NPHP4: variants seen among roughly 807,000 people sequenced by gnomAD.
NPHP4 encodes nephrocystin-4.
In NPHP4, 151 loss-of-function variants were observed where a neutral mutation model predicts 155.8. The ratio of observed to expected loss-of-function variants is 0.97; its 90% CI spans 0.85 to 1.11. The LOEUF (loss-of-function observed/expected upper bound fraction) is 1.11, where lower values mean the gene tolerates loss of function less well. NPHP4 is among the 50% of genes least tolerant of loss of function. The probability of loss-of-function intolerance (pLI) is 0.00; values close to 1 mark genes in which losing one functional copy is unlikely to be tolerated. For synonymous variants in NPHP4, 845 were observed against 816.8 expected (o/e 1.03, Z -0.59); for missense variants, 1,956 against 1,925.7 (o/e 1.02, Z -0.29).
chr1:5,973,772 G>T (rs1267614683), intron 3 of NPHP4, among the ~76,000 whole-genome samples: 1 of 152,138 alleles, frequency 6.6e-6, no homozygotes, highest in Admixed American at 6.5e-5. Flanking sequence ...CTCATTTCAG[G>T]TTCCAAGACT....
intron 27 of NPHP4, 23 bp from the exon 28 acceptor site, chr1:5,864,540 T>C (rs958303213): frequency 6.7e-7 from 1 of 1,501,550 alleles, no homozygotes; most frequent in Non-Finnish European, 8.9e-7. Context: ...GAGAGGCGGG[T>C]CAGAGCACAG....
chr1:5,982,629 G>C (rs1654888348), intron 2 of NPHP4, among the ~76,000 whole-genome samples: 1 of 152,152 alleles, frequency 6.6e-6, no homozygotes, highest in Non-Finnish European at 1.5e-5. Context: ...AGGTTGTTAA[G>C]GAGGAAACAG....
Position 5,873,184 on chromosome 1 carries a change from C to G in NPHP4, c.3315+68G>C, listed in dbSNP as rs1249676938. On this transcript the variant is annotated intron_variant, in intron 23 of 29. Transcript: ENST00000378156. Reference sequence around the variant, plus strand: ...TCCCCTCCAGGAGGGGAGAGAAGGACACAAGGGTCAGGCCCTGGGAATACC... The same window carrying G: ...TCCCCTCCAGGAGGGGAGAGAAGGAGACAAGGGTCAGGCCCTGGGAATACC... The G allele has an allele frequency of 2.1e-5, 28 of 1,364,982 alleles. No homozygotes were observed. The East Asian group carries it at 6.2e-4, about 30-fold the overall frequency. The allele number at this position is 1,364,982 out of a possible 1,614,324, so 84.6% of individuals were successfully genotyped here.
intron 16 of NPHP4, among the ~76,000 whole-genome samples, chr1:5,893,271 C>T (rs558916523): frequency 6.6e-6 from 1 of 152,208 alleles, no homozygotes; most frequent in East Asian, 1.9e-4. Context: ...ACAGCTGGGC[C>T]CAGGGGACCA....
In NPHP4 at chr1:5,905,165, G is replaced by C. The variant is rs116130504; in HGVS notation, c.1955+127C>G. ...TCCTAGCCAAGAGAAGATAAAAACAGATGGCACTCCCGAATCTACTAAGAC... is the reference window on the plus strand; with the variant it reads ...TCCTAGCCAAGAGAAGATAAAAACACATGGCACTCCCGAATCTACTAAGAC... On this transcript the variant is annotated intron_variant, in intron 15 of 29. Transcript: ENST00000378156. The surrounding 1 kb of genome is among the most constrained non-coding windows in gnomAD (Gnocchi z 4.0). 26 of 773,182 alleles carry C rather than the reference G, an allele frequency of 3.4e-5. No homozygotes were observed. The East Asian group carries it at 6.2e-4, about 18-fold the overall frequency. The allele number at this position is 773,182 out of a possible 1,614,324, so 47.9% of individuals were successfully genotyped here. A position where few individuals can be genotyped will look rare whatever the true frequency, so the allele number is the denominator to read the frequency against.
rs1223869028 is a variant in NPHP4 at position 5,944,130 on chromosome 1, G to A, written c.1119+2974C>T. ...CAGAATAATTCAAAACGGGTTGTGG[G>A]AGAGGACATAGAAGAAGCAGATTGT... On this transcript the variant is annotated intron_variant, in intron 9 of 29. Transcript: ENST00000378156. The surrounding 1 kb of genome is among the most constrained non-coding windows in gnomAD (Gnocchi z 4.3). Among the ~76,000 whole-genome samples the A allele has an allele frequency of 6.6e-6, 1 of 152,248 alleles. No individual in the cohort carries two copies. The highest frequency in any genetic ancestry group is 1.5e-5 in the Non-Finnish European group (1 of 68,044).
At chr1:5,897,590 C>T (rs936893175) in intron 16 of NPHP4, among the ~76,000 whole-genome samples, 1 of 152,136 alleles carries the variant, frequency 6.6e-6, no homozygotes, top group Non-Finnish European at 1.5e-5. Flanking sequence ...ACCAGGTAAG[C>T]CCGGAACACG....
intron 27 of NPHP4, 189 bp from the exon 28 acceptor site, chr1:5,864,706 CCCT>C (rs1641023921): frequency 9.0e-6 from 5 of 555,362 alleles, no homozygotes; most frequent in Non-Finnish European, 1.6e-5. Context: ...CCAGGCAAGT[CCCT>C]CCTCTCACAC....
chr1:5,952,964 G>A (rs1409303099), intron 6 of NPHP4, 128 bp from the exon 7 acceptor site: 13 of 772,906 alleles, frequency 1.7e-5, no homozygotes, highest in East Asian at 2.9e-5. Flanking sequence ...GGGACTCCCA[G>A]ACAGAGCACA....
chr1:5,913,655 G>A lies in NPHP4; in HGVS notation c.1442-4442C>T, dbSNP rs541353487. Among the ~76,000 whole-genome samples, 20 of 152,310 alleles carry A rather than the reference G, an allele frequency of 1.3e-4. No homozygotes were observed. In the East Asian group the frequency reaches 1.4e-3, roughly 10 times the overall value. On this transcript the variant is annotated intron_variant, in intron 11 of 29. Transcript: ENST00000378156. The stretch of plus-strand genomic sequence containing the variant: ...ACGTCTTCACACTGCCTCTGCACTC[G>A]CCTGGAGGGGGCCCTGCAAGAGGAT...
intron 21 of NPHP4, 78 bp downstream of exon 21, chr1:5,874,796 G>C: frequency 6.5e-7 from 1 of 1,546,876 alleles, no homozygotes; most frequent in Non-Finnish European, 8.9e-7. Flanking sequence ...GGCAGAATTC[G>C]AGCCAGCTCA....
Position 5,927,716 on chromosome 1 carries a change from G to C in NPHP4, c.1374C>G (p.Pro458=), listed in dbSNP as rs567982783. The C allele has an allele frequency of 6.2e-7, 1 of 1,613,504 alleles. No homozygotes were observed. The highest frequency in any genetic ancestry group is 1.7e-5 in the Admixed American group (1 of 60,004). The change falls in exon 11 of 30, where the codon CCC becomes CCG. Residue 458 remains proline (P), a synonymous_variant. Transcript: ENST00000378156. ...CTTTGGGGCCACTGACAGGCTCCGTGGGTGCATCCAGGTGTTCTTCTGAGC... is the reference window on the plus strand; with the variant it reads ...CTTTGGGGCCACTGACAGGCTCCGTCGGTGCATCCAGGTGTTCTTCTGAGC... ...SLGSEEHLDA[P]TEPVSGPKVE...
rs140817042 is a variant in NPHP4, at chr1:5,868,709, CCACA to C, written c.3316-817_3316-814del. On this transcript the variant is annotated intron_variant, in intron 23 of 29. Coordinates refer to ENST00000378156, the MANE Select transcript of NPHP4 (RefSeq NM_015102.5). ...GTACACATATACATGCACGCATGCC[CCACA>C]CACACACATGCACGCCCACATGCAT... Among the ~76,000 whole-genome samples, 182 of 146,502 alleles carry C rather than the reference CCACA, an allele frequency of 1.2e-3. 3 individuals are homozygous for C. The highest frequency in any genetic ancestry group is 9.6e-4 in the Non-Finnish European group (64 of 66,424).
intron 16 of NPHP4, among the ~76,000 whole-genome samples, chr1:5,903,178 T>C (rs1644756774): frequency 6.6e-6 from 1 of 152,230 alleles, no homozygotes; most frequent in Admixed American, 6.5e-5. Flanking sequence ...CTGAGAAGTA[T>C]GTCTAGAACT....
At chr1:5,946,345 T>A (rs1647097301) in intron 9 of NPHP4, among the ~76,000 whole-genome samples, 1 of 152,246 alleles carries the variant, frequency 6.6e-6, no homozygotes, top group African/African-American at 2.4e-5. Flanking sequence ...CTCTTAGTGT[T>A]CTATAGGTAT....
intron 4 of NPHP4, among the ~76,000 whole-genome samples, chr1:5,967,875 A>G (rs555247384): frequency 1.3e-5 from 2 of 152,018 alleles, no homozygotes; most frequent in Non-Finnish European, 2.9e-5. Flanking sequence ...ACAGCAAACA[A>G]TTATCCATTC....
chr1:5,984,808 A>C (rs1655224541), intron 2 of NPHP4, among the ~76,000 whole-genome samples: 1 of 152,178 alleles, frequency 6.6e-6, no homozygotes, highest in Non-Finnish European at 1.5e-5. Context: ...TCCTTTGCAA[A>C]ACTCCTAGGA....
At chr1:5,951,428 G>A (rs1377993621) in intron 7 of NPHP4, among the ~76,000 whole-genome samples, 1 of 152,240 alleles carries the variant, frequency 6.6e-6, no homozygotes, top group East Asian at 1.9e-4. Context: ...CATTCTAGGA[G>A]GGGGAACAAG....
At position 5,905,300 on chromosome 1, in the gene NPHP4, G is replaced by A. The variant is rs757991312; in HGVS notation, c.1947C>T (p.Ala649=). The part of the protein sequence containing the change: ...QSNEMVLQFL[A]FSRVAQDCRG... ...AATATTCAAGGATTTACCTGCTAAA[G>A]GCAAGAAACTGTAGCACCATCTCGT... Residue 649 remains alanine, a synonymous_variant, in exon 15 of 30, where the codon GCC becomes GCT. Transcript: ENST00000378156. This position sits in a 1 kb window ranked among gnomAD's most constrained non-coding sequence, Gnocchi z 4.0. The A allele has an allele frequency of 3.1e-6, 5 of 1,612,794 alleles. No homozygotes were observed. Among genetic ancestry groups the A allele is most frequent in the Non-Finnish European group, 4.2e-6 (5 of 1,178,786 alleles).
Sources: gnomAD v4.1 joint callset for allele counts (sites outside exome capture counted in the v4.1 genomes callset) on GRCh38, gnomAD v4.1.1 for gene constraint, Gnocchi (gnomAD v3.1) non-coding constraint, MANE v1.5 for transcripts, NCBI Gene and HGNC (gene_info 2026-07-23, HGNC 2026-07-21) for gene names.